Variants in SLC5A1 observed in about 807,000 individuals in gnomAD.
SLC5A1 encodes the protein sodium/glucose cotransporter 1.
Under a neutral mutation model 73.5 loss-of-function variants are expected in SLC5A1, and 42 were observed. The ratio of observed to expected loss-of-function variants is 0.57; its 90% CI spans 0.45 to 0.74. SLC5A1 has a LOEUF of 0.74. Among genes scored for constraint, SLC5A1 ranks in the 30% least tolerant of loss-of-function variants. SLC5A1 has a pLI of 0.00. For synonymous variants in SLC5A1, 300 were observed against 317.4 expected (o/e 0.95, Z 0.58); for missense variants, 634 against 855.4 (o/e 0.74, Z 3.23).
intron 3 of SLC5A1, 42 bp from the exon 4 acceptor site, chr22:32,067,925 A>G: frequency 6.2e-7 from 1 of 1,609,740 alleles, no homozygotes; most frequent in East Asian, 2.2e-5. Flanking sequence ...GGATGGGCTA[A>G]GTTTCCTCCT....
intron 2 of SLC5A1, among the ~76,000 whole-genome samples, chr22:32,064,110 AG>A (rs1939705503): frequency 1.3e-5 from 2 of 152,224 alleles, no homozygotes; most frequent in African/African-American, 4.8e-5. Flanking sequence ...GTACAGCATT[AG>A]GCTTAATTAT....
intron 2 of SLC5A1, among the ~76,000 whole-genome samples, chr22:32,059,800 G>A (rs2093957626): frequency 6.6e-6 from 1 of 152,130 alleles, no homozygotes; most frequent in African/African-American, 2.4e-5. Flanking sequence ...CCAAGATTTT[G>A]AGTAGCTTCA....
chr22:32,095,002 C>T (rs1001041654), intron 11 of SLC5A1, among the ~76,000 whole-genome samples: 1 of 152,080 alleles, frequency 6.6e-6, no homozygotes, highest in African/African-American at 2.4e-5. Context: ...CCTCTTAACA[C>T]CACCTTTGCT....
intron 11 of SLC5A1, 74 bp from the exon 12 acceptor site, chr22:32,099,095 AAAAAAAAAAAATAT>A: frequency 1.3e-5 from 2 of 154,894 alleles, no homozygotes; most frequent in Non-Finnish European, 9.5e-6. Flanking sequence ...AAAAAAAAAA[AAAAAAAAAAAATAT>A]ATATATATAT....
At chr22:32,081,618 G>A (rs925494843) in intron 5 of SLC5A1, among the ~76,000 whole-genome samples, 5 of 152,202 alleles carry the variant, frequency 3.3e-5, no homozygotes, top group Non-Finnish European at 5.9e-5. Context: ...GTCATGTACC[G>A]TGTTCCCTCC....
intron 2 of SLC5A1, among the ~76,000 whole-genome samples, chr22:32,062,137 T>C (rs1335044401): frequency 6.6e-6 from 1 of 152,052 alleles, no homozygotes; most frequent in East Asian, 1.9e-4. Flanking sequence ...ACAAGTAGAG[T>C]TGTTCTACCA....
At chr22:32,062,116 A>G (rs1412940611) in intron 2 of SLC5A1, among the ~76,000 whole-genome samples, 1 of 152,214 alleles carries the variant, frequency 6.6e-6, no homozygotes, top group Non-Finnish European at 1.5e-5. Flanking sequence ...CAAATAAAGA[A>G]TGACTTTTTA....
chr22:32,082,565 A>G (rs1205322658), intron 6 of SLC5A1, among the ~76,000 whole-genome samples: 2 of 152,132 alleles, frequency 1.3e-5, no homozygotes, highest in Non-Finnish European at 2.9e-5. Context: ...TGGCCACCCA[A>G]GAAGCTGGTG....
chr22:32,102,149 A>G lies in SLC5A1; in HGVS notation c.1577A>G (p.Tyr526Cys). Residue 526 changes from tyrosine (Y) to cysteine (C), a missense_variant, in exon 13 of 15, where the codon TAC (tyrosine) becomes TGC (cysteine). Transcript: ENST00000266088. ...NCPTIICGVH[Y>C]LYFAIILFAI... ...CCCACGATTATCTGTGGGGTGCACT[A>G]CTTGTACTTTGCCATTATCCTCTTC... The G allele has an allele frequency of 6.2e-7, 1 of 1,613,932 alleles. No homozygotes were observed. The highest frequency in any genetic ancestry group is 8.5e-7 in the Non-Finnish European group (1 of 1,179,984).
At chr22:32,068,402 T>A in intron 4 of SLC5A1, 94 bp from the exon 5 acceptor site, 1 of 871,814 alleles carries the variant, frequency 1.1e-6, no homozygotes, top group South Asian at 1.3e-5. Context: ...ACCACACTTC[T>A]GTGGCTCTGA....
intron 14 of SLC5A1, among the ~76,000 whole-genome samples, chr22:32,105,355 G>A (rs544193697): frequency 2.0e-5 from 3 of 148,760 alleles, no homozygotes; most frequent in South Asian, 2.1e-4. Context: ...GTGCAATGGC[G>A]CAATCTCGGC....
chr22:32,091,565 G>T (rs1269305990), intron 10 of SLC5A1, 47 bp from the exon 11 acceptor site: 4 of 1,608,716 alleles, frequency 2.5e-6, no homozygotes, highest in Non-Finnish European at 3.4e-6. Context: ...AAGTACAAAA[G>T]AGCTGAAGGT....
intron 5 of SLC5A1, among the ~76,000 whole-genome samples, chr22:32,081,004 A>G (rs1447724478): frequency 6.6e-6 from 1 of 152,014 alleles, no homozygotes; most frequent in Non-Finnish European, 1.5e-5. Context: ...AAAATAAATA[A>G]ATAAAAAAGA....
intron 2 of SLC5A1, 142 bp from the exon 3 acceptor site, chr22:32,066,793 T>G: frequency 1.5e-6 from 1 of 682,216 alleles, no homozygotes; most frequent in Non-Finnish European, 2.7e-6. Context: ...CTGTCCCTGA[T>G]GATTCCAGCA....
At chr22:32,095,968 G>A (rs1456656759) in intron 11 of SLC5A1, among the ~76,000 whole-genome samples, 1 of 152,190 alleles carries the variant, frequency 6.6e-6, no homozygotes, top group Non-Finnish European at 1.5e-5. Context: ...GGGGGCGGAT[G>A]ATCCCCCTTT....
Position 32,110,265 on chromosome 22 carries a change from T to C in SLC5A1, c.*52T>C, listed in dbSNP as rs543556163. 4 of 1,384,004 alleles carry C rather than the reference T, an allele frequency of 2.9e-6. No individual in the cohort carries two copies. In the South Asian group the frequency reaches 4.7e-5, roughly 16 times the overall value. 85.7% of individuals were successfully genotyped at this position (1,384,004 alleles called of 1,614,324 possible). A position where few individuals can be genotyped will look rare whatever the true frequency, so the allele number is the denominator to read the frequency against. The stretch of plus-strand genomic sequence containing the variant: ...ATGGCTGGACTCTTACTCACCTTCC[T>C]TTAGTCTCGTCCTGTGGTGTTGAAG... On this transcript the variant is annotated 3_prime_UTR_variant, in exon 15 of 15. Coordinates refer to ENST00000266088, the MANE Select transcript of SLC5A1 (RefSeq NM_000343.4).
Position 32,102,169 on chromosome 22 carries a change from C to T in SLC5A1, c.1597C>T (p.Leu533Phe). 6.2e-7 allele frequency: 1 copy of T among 1,614,072 alleles called. No homozygotes were observed. The highest frequency in any genetic ancestry group is 8.5e-7 in the Non-Finnish European group (1 of 1,179,988). ...GVHYLYFAII[L>F]FAISFITIVV... ...GCACTACTTGTACTTTGCCATTATC[C>T]TCTTCGCCATTTCTTTCATCACCAT... is the stretch of plus-strand genomic sequence containing the variant. Residue 533 changes from leucine to phenylalanine, a missense_variant, in exon 13 of 15, where the codon CTC (leucine) becomes TTC (phenylalanine). Physicochemically the swap from Leu to Phe is conservative, Grantham distance 22. Coordinates refer to ENST00000266088, the MANE Select transcript of SLC5A1 (RefSeq NM_000343.4).
intron 1 of SLC5A1, among the ~76,000 whole-genome samples, chr22:32,048,239 A>G (rs1241060108): frequency 6.6e-6 from 1 of 152,126 alleles, no homozygotes; most frequent in African/African-American, 2.4e-5. Flanking sequence ...CACTGAGAGA[A>G]GCCAATAACA....
intron 9 of SLC5A1, among the ~76,000 whole-genome samples, 154 bp from the exon 10 acceptor site, chr22:32,086,066 G>A (rs938335235): frequency 4.0e-5 from 6 of 151,760 alleles, no homozygotes; most frequent in Non-Finnish European, 7.4e-5. Flanking sequence ...GCGTGAACCC[G>A]GGAGGCAGAG....
Sources: allele counts gnomAD v4.1 joint callset (sites outside exome capture counted in the v4.1 genomes callset), GRCh38; gene constraint gnomAD v4.1.1; transcripts MANE v1.5; gene names NCBI Gene and HGNC (gene_info 2026-07-23, HGNC 2026-07-21).